ELL2: variants seen among roughly 807,000 people sequenced by gnomAD.
ELL2 encodes RNA polymerase II elongation factor ELL2.
In ELL2, 21 loss-of-function variants were observed where a neutral mutation model predicts 72.8. That is an observed-to-expected ratio of 0.29 (90% CI 0.20 to 0.42). The LOEUF is 0.42. Among genes scored for constraint, ELL2 ranks in the 10% least tolerant of loss-of-function variants. The pLI is 1.00. For missense variants in ELL2, 568 were observed against 772.8 expected (o/e 0.73, Z 3.14); for synonymous variants, 266 against 283.2 (o/e 0.94, Z 0.61).
In ELL2 at chr5:95,887,727, G is replaced by GA. The variant is rs35630308; in HGVS notation, c.*1143dup. 54,917 of 150,800 alleles carry GA rather than the reference G, an allele frequency of 0.36. 10,974 individuals carry two copies. The highest frequency in any genetic ancestry group is 0.55 in the African/African-American group (22,661 of 41,072). The allele number at this position is 150,800 out of a possible 1,614,324, so 9.3% of individuals were successfully genotyped here. A position where few individuals can be genotyped will look rare whatever the true frequency, so the allele number is the denominator to read the frequency against. ...TTTTTTATATTCCTGGCACCAGGAT[G>GA]AAAAAAAAAATCTTTAAATATACCT... On this transcript the variant is annotated 3_prime_UTR_variant, in exon 12 of 12. Coordinates refer to ENST00000237853, the MANE Select transcript of ELL2 (RefSeq NM_012081.6).
intron 2 of ELL2, among the ~76,000 whole-genome samples, chr5:95,921,686 A>G (rs1014860389): frequency 6.6e-6 from 1 of 152,242 alleles, no homozygotes; most frequent in African/African-American, 2.4e-5. Flanking sequence ...GGCTACCTGC[A>G]TACTGGTATA....
chr5:95,891,882 A>G (rs1748678216), intron 9 of ELL2, among the ~76,000 whole-genome samples: 1 of 152,204 alleles, frequency 6.6e-6, no homozygotes, highest in Non-Finnish European at 1.5e-5. Context: ...ATTACCAACC[A>G]TTCTGTAAAA....
At chr5:95,906,423 C>CTCTA (rs1426520113) in intron 5 of ELL2, 100 bp downstream of exon 5, 2 of 1,294,890 alleles carry the variant, frequency 1.5e-6, no homozygotes, top group African/African-American at 3.0e-5. Flanking sequence ...CCTAAAATTT[C>CTCTA]TCTATCTCAA....
At chr5:95,961,365 G>T (rs955680837) in intron 1 of ELL2, among the ~76,000 whole-genome samples, 1 of 151,500 alleles carries the variant, frequency 6.6e-6, no homozygotes, top group African/African-American at 2.4e-5. Context: ...CGCCGCCAGG[G>T]GCCGCCCGAC....
intron 1 of ELL2, among the ~76,000 whole-genome samples, chr5:95,944,643 G>A (rs1354609891): frequency 2.0e-5 from 3 of 152,196 alleles, no homozygotes; most frequent in African/African-American, 7.2e-5. Context: ...TAGGGGCCTA[G>A]GTAGCCCCTC....
At chr5:95,895,968 T>C (rs1476408653) in intron 8 of ELL2, among the ~76,000 whole-genome samples, 2 of 152,258 alleles carry the variant, frequency 1.3e-5, no homozygotes, top group Non-Finnish European at 2.9e-5. Flanking sequence ...GTCAGTCTTC[T>C]ATTCTTTCAA....
rs1211087331 is a variant in ELL2, at chr5:95,919,498, A to G, written c.243T>C (p.Phe81=). 6.3e-7 allele frequency: 1 copy of G among 1,586,394 alleles called. No individual in the cohort carries two copies. Among genetic ancestry groups the G allele is most frequent in the Non-Finnish European group, 8.5e-7 (1 of 1,170,344 alleles). Residue 81 remains phenylalanine (F), a synonymous_variant, in exon 3 of 12, where the codon TTT becomes TTC. Transcript: ENST00000237853. ...KNDPLNEVHN[F]NFYLSNVGKD... ...TGCCCACATTTGACAAATAAAAGTTAAAGTTATGAACTTCATTGAGGGGAT... is the reference window on the plus strand; with the variant it reads ...TGCCCACATTTGACAAATAAAAGTTGAAGTTATGAACTTCATTGAGGGGAT...
At chr5:95,959,743 C>T (rs1751745129) in intron 1 of ELL2, among the ~76,000 whole-genome samples, 1 of 152,192 alleles carries the variant, frequency 6.6e-6, no homozygotes, top group Admixed American at 6.5e-5. Flanking sequence ...TCCTCCCTGA[C>T]GCCCCCTCAC....
At position 95,888,996 on chromosome 5, in the gene ELL2, G is replaced by GA. The variant is rs199699795; in HGVS notation, c.1807-10dup. The GA allele has an allele frequency of 0.13, 157,090 of 1,231,174 alleles. 1,231 individuals carry two copies. Among genetic ancestry groups the GA allele is most frequent in the East Asian group, 0.28 (10,382 of 37,390 alleles). The allele number at this position is 1,231,174 out of a possible 1,614,324, so 76.3% of individuals were successfully genotyped here. ...TGGTAATTGGGACTAGACTGCAGAT[G>GA]AAAAAAAAAAAAAAAAAAGAGGAAT... On this transcript the variant is annotated splice_polypyrimidine_tract_variant and intron_variant, in intron 11 of 11. Transcript: ENST00000237853.
intron 7 of ELL2, among the ~76,000 whole-genome samples, 165 bp from the exon 8 acceptor site, chr5:95,898,975 A>AAACG (rs1749013005): frequency 6.6e-6 from 1 of 152,034 alleles, no homozygotes. Context: ...ACAAACAAAC[A>AAACG]AAAAACCCAA....
intron 1 of ELL2, among the ~76,000 whole-genome samples, chr5:95,944,636 G>A (rs998389619): frequency 1.3e-5 from 2 of 152,164 alleles, no homozygotes; most frequent in Non-Finnish European, 2.9e-5. Flanking sequence ...ATGCCCATAG[G>A]GGCCTAGGTA....
At chr5:95,957,085 CA>C (rs1751654255) in intron 1 of ELL2, among the ~76,000 whole-genome samples, 2 of 152,166 alleles carry the variant, frequency 1.3e-5, no homozygotes, top group Admixed American at 6.5e-5. Flanking sequence ...AGTCAGCAAA[CA>C]TGGTAGTATT....
intron 4 of ELL2, among the ~76,000 whole-genome samples, chr5:95,907,208 C>T (rs76598041): frequency 0.027 from 4,032 of 149,998 alleles, 173 homozygotes; most frequent in African/African-American, 0.094. Flanking sequence ...CTGAGCATTA[C>T]GTTAGTAATT....
chr5:95,898,230 G>A lies in ELL2; in HGVS notation c.1525+10C>T, dbSNP rs771895334. 1 of 1,586,754 alleles carries A rather than the reference G, an allele frequency of 6.3e-7. No homozygotes were observed. Among genetic ancestry groups the A allele is most frequent in the South Asian group, 1.2e-5 (1 of 84,786 alleles). On this transcript the variant is annotated intron_variant, in intron 8 of 11. Coordinates refer to ENST00000237853, the MANE Select transcript of ELL2 (RefSeq NM_012081.6). ...AGCATGCACTTCTGGTTCATCTAAA[G>A]GTAAAATACCTCCACTGGAATTTGG...
At chr5:95,893,503 G>C (rs1031271118) in intron 9 of ELL2, among the ~76,000 whole-genome samples, 2 of 152,066 alleles carry the variant, frequency 1.3e-5, no homozygotes, top group Non-Finnish European at 2.9e-5. Flanking sequence ...TCCTGCCTCA[G>C]CCTCCTCAGT....
At chr5:95,954,595 T>TC (rs1751556336) in intron 1 of ELL2, among the ~76,000 whole-genome samples, 1 of 115,022 alleles carries the variant, frequency 8.7e-6, no homozygotes. Flanking sequence ...TTTTTTTTTT[T>TC]CTTTTTTTTT....
chr5:95,945,870 T>A (rs1751138107), intron 1 of ELL2, among the ~76,000 whole-genome samples: 1 of 152,204 alleles, frequency 6.6e-6, no homozygotes, highest in Non-Finnish European at 1.5e-5. Context: ...AATTTTTCCT[T>A]ATCCTCAAAA....
At chr5:95,950,433 A>G (rs1472539514) in intron 1 of ELL2, among the ~76,000 whole-genome samples, 1 of 152,190 alleles carries the variant, frequency 6.6e-6, no homozygotes, top group African/African-American at 2.4e-5. Flanking sequence ...TAAAAGCAGA[A>G]AATAGCACAA....
At position 95,886,387 on chromosome 5, in the gene ELL2, T is replaced by A. The variant is rs887982987; in HGVS notation, c.*2484A>T. ...CTGTCCAACACATACAACTAACATCTAAATTAAGGCTTTTACTGGTATGTG... is the reference window on the plus strand; with the variant it reads ...CTGTCCAACACATACAACTAACATCAAAATTAAGGCTTTTACTGGTATGTG... On this transcript the variant is annotated 3_prime_UTR_variant, in exon 12 of 12. Transcript: ENST00000237853. 2 of 152,198 alleles carry A rather than the reference T, an allele frequency of 1.3e-5. No homozygotes were observed. The highest frequency in any genetic ancestry group is 1.3e-4 in the Admixed American group (2 of 15,284). 9.4% of individuals were successfully genotyped at this position (152,198 alleles called of 1,614,324 possible).
Sources: allele counts gnomAD v4.1 joint callset (sites outside exome capture counted in the v4.1 genomes callset), GRCh38; gene constraint gnomAD v4.1.1; transcripts MANE v1.5; gene names NCBI Gene and HGNC (gene_info 2026-07-23, HGNC 2026-07-21).